MAP3K7CL: variants seen among roughly 807,000 people sequenced by gnomAD.
The protein encoded by MAP3K7CL is MAP3K7 C-terminal-like protein.
A neutral mutation model predicts 18.6 loss-of-function variants in MAP3K7CL; 16 were observed. The observed-to-expected ratio is 0.86, with a 90% CI of 0.58 to 1.31. The LOEUF (loss-of-function observed/expected upper bound fraction) is 1.31, where lower values mean the gene tolerates loss of function less well. MAP3K7CL is among the 50% of genes most tolerant of loss of function. The pLI is 0.00. For missense variants in MAP3K7CL, 163 were observed against 174.4 expected (o/e 0.93, Z 0.37); for synonymous variants, 65 against 66.8 (o/e 0.97, Z 0.13).
intron 3 of MAP3K7CL, among the ~76,000 whole-genome samples, chr21:29,155,994 A>C (rs1408077496): frequency 6.6e-6 from 1 of 152,248 alleles, no homozygotes; most frequent in East Asian, 1.9e-4. Flanking sequence ...GCTCTAGTAC[A>C]TTAGCAGTAT....
At chr21:29,116,090 G>T (rs2086500818) in intron 4 of MAP3K7CL, among the ~76,000 whole-genome samples, 1 of 152,170 alleles carries the variant, frequency 6.6e-6, no homozygotes. Flanking sequence ...CAGCATTTTT[G>T]AATGCTTTTC....
intron 2 of MAP3K7CL, among the ~76,000 whole-genome samples, chr21:29,146,539 T>C (rs2087132762): frequency 6.6e-6 from 1 of 152,180 alleles, no homozygotes; most frequent in Non-Finnish European, 1.5e-5. Flanking sequence ...TCACTTCTGG[T>C]CTAAGTAGAG....
At chr21:29,141,777 G>A (rs1351813808) in intron 2 of MAP3K7CL, among the ~76,000 whole-genome samples, 5 of 151,990 alleles carry the variant, frequency 3.3e-5, no homozygotes, top group African/African-American at 1.2e-4. Flanking sequence ...AAAATCCAAT[G>A]TATATTAAAT....
At chr21:29,106,308 C>G (rs186253505) in intron 4 of MAP3K7CL, among the ~76,000 whole-genome samples, 1 of 152,064 alleles carries the variant, frequency 6.6e-6, no homozygotes, top group South Asian at 2.1e-4. Context: ...CTCAGCCTCC[C>G]GAGTAGCTGG....
chr21:29,115,226 A>G (rs2086485802), intron 4 of MAP3K7CL, among the ~76,000 whole-genome samples: 1 of 152,224 alleles, frequency 6.6e-6, no homozygotes, highest in Non-Finnish European at 1.5e-5. Context: ...GAAATAGCCC[A>G]AAAGGTATCC....
chr21:29,155,391 G>T (rs1228866658), intron 3 of MAP3K7CL, among the ~76,000 whole-genome samples: 1 of 152,204 alleles, frequency 6.6e-6, no homozygotes, highest in Non-Finnish European at 1.5e-5. Context: ...GAAGAGGATG[G>T]GGCCAGTAGT....
chr21:29,122,937 A>G (rs1251562455), intron 4 of MAP3K7CL, among the ~76,000 whole-genome samples: 1 of 152,138 alleles, frequency 6.6e-6, no homozygotes, highest in Non-Finnish European at 1.5e-5. Flanking sequence ...AAATTGGTTG[A>G]TAAGAACTTT....
At chr21:29,081,021 G>A (rs1039015041), upstream of MAP3K7CL, among the ~76,000 whole-genome samples, 2 of 151,214 alleles carry the variant, frequency 1.3e-5, no homozygotes, top group African/African-American at 4.8e-5. Context: ...ATTGTGGCTC[G>A]CCCAGACTTG....
intron 4 of MAP3K7CL, among the ~76,000 whole-genome samples, chr21:29,098,945 C>G (rs947303415): frequency 6.6e-6 from 1 of 152,156 alleles, no homozygotes; most frequent in Non-Finnish European, 1.5e-5. Context: ...TCTTTTAATT[C>G]TCAAAGATGC....
intron 4 of MAP3K7CL, among the ~76,000 whole-genome samples, chr21:29,101,880 A>C (rs2086236907): frequency 6.6e-6 from 1 of 152,184 alleles, no homozygotes; most frequent in African/African-American, 2.4e-5. Context: ...ACTTACTTTC[A>C]TTCATTCTTT....
chr21:29,086,151 A>C (rs1568926081), intron 1 of MAP3K7CL, among the ~76,000 whole-genome samples: 1 of 152,250 alleles, frequency 6.6e-6, no homozygotes, highest in African/African-American at 2.4e-5. Flanking sequence ...ATTTTGAGCC[A>C]AGTCATTTAA....
At chr21:29,158,357 G>A (rs1372866274) in intron 3 of MAP3K7CL, among the ~76,000 whole-genome samples, 1 of 152,212 alleles carries the variant, frequency 6.6e-6, no homozygotes, top group East Asian at 1.9e-4. Flanking sequence ...AGAAAGGGAT[G>A]ATGGTTCCAA....
intron 4 of MAP3K7CL, among the ~76,000 whole-genome samples, chr21:29,115,068 GT>G (rs1387702877): frequency 6.6e-6 from 1 of 152,154 alleles, no homozygotes; most frequent in East Asian, 1.9e-4. Context: ...GGTTTGGGCT[GT>G]TTTCACGTCT....
At chr21:29,102,998 C>T (rs1436022063) in intron 4 of MAP3K7CL, among the ~76,000 whole-genome samples, 1 of 152,216 alleles carries the variant, frequency 6.6e-6, no homozygotes, top group Non-Finnish European at 1.5e-5. Context: ...AACTGCGGGA[C>T]AGACTCTCAG....
rs573518577 is a variant in MAP3K7CL at position 29,107,795 on chromosome 21, T to C, written c.370+15214T>C. On this transcript the variant is annotated intron_variant, in intron 4 of 6. Transcript: ENST00000286791. ...GAGGATAAATGTCCATTGGTTAAAC[T>C]ATTTTTGTTGAGTATTCTATTAAAG... Among the ~76,000 whole-genome samples, 243 of 152,368 alleles carry C rather than the reference T, an allele frequency of 1.6e-3. No homozygotes were observed. In the Middle Eastern group the frequency reaches 0.017, roughly 11 times the overall value.
chr21:29,174,672 A>G, intron 4 of MAP3K7CL, 40 bp from the exon 5 acceptor site: 1 of 1,604,540 alleles, frequency 6.2e-7, no homozygotes, highest in Non-Finnish European at 8.5e-7. Flanking sequence ...GCTTGCATTG[A>G]ATTCTGTGCT....
chr21:29,169,198 C>T (rs2087763805), intron 4 of MAP3K7CL, among the ~76,000 whole-genome samples: 1 of 152,214 alleles, frequency 6.6e-6, no homozygotes, highest in South Asian at 2.1e-4. Flanking sequence ...TCAGTTGTAC[C>T]AAGGATGAGA....
intron 1 of MAP3K7CL, among the ~76,000 whole-genome samples, chr21:29,090,668 C>T (rs752158509): frequency 2.6e-5 from 4 of 152,164 alleles, no homozygotes; most frequent in South Asian, 2.1e-4. Context: ...TGTGAGCCAC[C>T]GCGCCCGGCA....
At chr21:29,087,195 G>A (rs2085939828) in intron 1 of MAP3K7CL, among the ~76,000 whole-genome samples, 1 of 151,944 alleles carries the variant, frequency 6.6e-6, no homozygotes, top group African/African-American at 2.4e-5. Flanking sequence ...CCTCCTTCAG[G>A]TCCCAGATTA....
Sources: allele counts gnomAD v4.1 joint callset (sites outside exome capture counted in the v4.1 genomes callset), GRCh38; gene constraint gnomAD v4.1.1; transcripts MANE v1.5; gene names NCBI Gene and HGNC (gene_info 2026-07-23, HGNC 2026-07-21).